MAD1L1: variants seen among roughly 807,000 people sequenced by gnomAD.
MAD1L1 encodes mitotic spindle assembly checkpoint protein MAD1.
MAD1L1 carries 95 observed loss-of-function variants against 96.9 expected under a neutral mutation model. That is an observed-to-expected ratio of 0.98 (90% CI 0.83 to 1.16). The LOEUF is 1.16. Among genes scored for constraint, MAD1L1 ranks in the 50% most tolerant of loss-of-function variants. The pLI, the probability that MAD1L1 is intolerant of heterozygous loss-of-function variation, is 0.00. For missense variants in MAD1L1, 1,007 were observed against 954.4 expected (o/e 1.06, Z -0.73); for synonymous variants, 473 against 396.6 (o/e 1.19, Z -2.29).
chr7:1,939,779 C>A (rs1778855678), intron 16 of MAD1L1, among the ~76,000 whole-genome samples: 2 of 152,224 alleles, frequency 1.3e-5, no homozygotes, highest in Admixed American at 1.3e-4. Flanking sequence ...CCTCCAGCCT[C>A]CCAAGAGCTC....
intron 11 of MAD1L1, among the ~76,000 whole-genome samples, chr7:2,076,404 T>C (rs1268571661): frequency 6.6e-6 from 1 of 152,202 alleles, no homozygotes; most frequent in Non-Finnish European, 1.5e-5. Flanking sequence ...GCTGGTCATC[T>C]GCAAACCAGG....
intron 14 of MAD1L1, chr7:1,980,841 G>A (rs529497031): frequency 3.9e-6 from 2 of 515,728 alleles, no homozygotes; most frequent in South Asian, 3.4e-5. Flanking sequence ...CACGCAGCTG[G>A]GGAGAGAGCA....
intron 12 of MAD1L1, among the ~76,000 whole-genome samples, chr7:2,031,553 G>C: frequency 6.6e-6 from 1 of 152,198 alleles, no homozygotes; most frequent in East Asian, 1.9e-4. Context: ...GCATTCCCCA[G>C]CATCCACCTG....
At chr7:2,016,073 A>T (rs1259899575) in intron 12 of MAD1L1, among the ~76,000 whole-genome samples, 1 of 152,164 alleles carries the variant, frequency 6.6e-6, no homozygotes, top group Non-Finnish European at 1.5e-5. Flanking sequence ...TGTTGATAAG[A>T]TGGGAAATGG....
At chr7:1,857,053 G>A (rs1388204239) in intron 18 of MAD1L1, among the ~76,000 whole-genome samples, 1 of 152,222 alleles carries the variant, frequency 6.6e-6, no homozygotes, top group Non-Finnish European at 1.5e-5. Context: ...ACGAGGAGCT[G>A]CGGGGAGCAG....
intron 18 of MAD1L1, among the ~76,000 whole-genome samples, chr7:1,819,511 G>A (rs1291564962): frequency 2.0e-5 from 3 of 152,214 alleles, no homozygotes; most frequent in Non-Finnish European, 4.4e-5. Context: ...CTGCCCTGGA[G>A]GGCCGGGGAC....
intron 17 of MAD1L1, among the ~76,000 whole-genome samples, chr7:1,928,938 G>T (rs1208889489): frequency 6.6e-6 from 1 of 152,212 alleles, no homozygotes; most frequent in Non-Finnish European, 1.5e-5. Context: ...CGCCAGCCAA[G>T]CAGGAAAAGT....
chr7:1,823,729 TCAGACACACCCCTGCTCC>T (rs1159208200), intron 18 of MAD1L1, among the ~76,000 whole-genome samples: 3 of 152,184 alleles, frequency 2.0e-5, no homozygotes, highest in African/African-American at 7.2e-5. Context: ...CCAGGCATTC[TCAGACACACCCCTGCTCC>T]CACTGGCCTT....
intron 11 of MAD1L1, among the ~76,000 whole-genome samples, chr7:2,137,103 C>G (rs116241463): frequency 7.4e-4 from 113 of 152,274 alleles, no homozygotes; most frequent in African/African-American, 2.5e-3. Flanking sequence ...GGCTGCTCTC[C>G]TGGGGTTAGG....
At position 2,232,878 on chromosome 7, in the gene MAD1L1, C is replaced by G. The variant is rs1379054610; in HGVS notation, c.-196G>C. ...CGCGAGCCGGGCCGCTTACCTCAGCCGCTCGCAGCCAGCTTGCCGCCGCCG... is the reference window on the plus strand; with the variant it reads ...CGCGAGCCGGGCCGCTTACCTCAGCGGCTCGCAGCCAGCTTGCCGCCGCCG... On this transcript the variant is annotated 5_prime_UTR_variant, in exon 1 of 19. Transcript: ENST00000265854. The G allele has an allele frequency of 3.3e-5, 5 of 152,326 alleles. No homozygotes were observed. The highest frequency in any genetic ancestry group is 9.6e-5 in the African/African-American group (4 of 41,460). 9.4% of individuals were successfully genotyped at this position (152,326 alleles called of 1,614,324 possible). A position where few individuals can be genotyped will look rare whatever the true frequency, so the allele number is the denominator to read the frequency against.
chr7:1,988,282 G>T (rs189502123), intron 14 of MAD1L1, among the ~76,000 whole-genome samples: 185 of 152,310 alleles, frequency 1.2e-3, no homozygotes, highest in Non-Finnish European at 2.0e-3. Context: ...CCTCCCAGGG[G>T]CAACTCTGCC....
At chr7:2,226,876 GCTACTCA>G (rs1188582785) in intron 3 of MAD1L1, among the ~76,000 whole-genome samples, 1 of 151,792 alleles carries the variant, frequency 6.6e-6, no homozygotes, top group African/African-American at 2.4e-5. Context: ...TGTAACCCCA[GCTACTCA>G]GGCTGAGGCA....
chr7:1,940,625 T>C (rs1214293607), intron 16 of MAD1L1: 1 of 152,230 alleles, frequency 6.6e-6, no homozygotes, highest in African/African-American at 2.4e-5. Flanking sequence ...GGCTGTGCAG[T>C]CACCCTGCCC....
chr7:2,164,597 G>C (rs1188638207), intron 10 of MAD1L1, among the ~76,000 whole-genome samples: 12 of 146,510 alleles, frequency 8.2e-5, no homozygotes, highest in Admixed American at 2.0e-4. Flanking sequence ...GAAAAATGGG[G>C]GGGGGGGGGG....
chr7:1,907,226 C>T (rs1052450640), intron 17 of MAD1L1, among the ~76,000 whole-genome samples: 5 of 152,222 alleles, frequency 3.3e-5, no homozygotes, highest in Admixed American at 2.6e-4. Context: ...TCCCCCAGCT[C>T]CTGCCCGACC....
intron 16 of MAD1L1, among the ~76,000 whole-genome samples, chr7:1,942,242 T>A (rs1352151134): frequency 6.6e-6 from 1 of 151,844 alleles, no homozygotes; most frequent in Non-Finnish European, 1.5e-5. Context: ...GGGCCAACAC[T>A]CAGCAAGTGG....
intron 10 of MAD1L1, among the ~76,000 whole-genome samples, chr7:2,205,076 GATCTT>G (rs1206531615): frequency 6.7e-5 from 9 of 134,468 alleles, no homozygotes; most frequent in South Asian, 2.4e-4. Flanking sequence ...AACCTCACAG[GATCTT>G]TTCTTTTTTT....
chr7:2,115,663 G>A (rs1787649303), intron 11 of MAD1L1, among the ~76,000 whole-genome samples: 1 of 152,246 alleles, frequency 6.6e-6, no homozygotes. Context: ...GTCAATGCCG[G>A]GCCTGTGGAC....
intron 18 of MAD1L1, among the ~76,000 whole-genome samples, chr7:1,841,346 T>A (rs1313061909): frequency 1.3e-5 from 2 of 152,308 alleles, no homozygotes; most frequent in Middle Eastern, 3.4e-3. Context: ...TGAAGCTGCA[T>A]CTCATGAAAC....
Sources: allele counts gnomAD v4.1 joint callset (sites outside exome capture counted in the v4.1 genomes callset), GRCh38; gene constraint gnomAD v4.1.1; transcripts MANE v1.5; gene names NCBI Gene and HGNC (gene_info 2026-07-23, HGNC 2026-07-21).